YBX1: variants seen among roughly 807,000 people sequenced by gnomAD.
The protein encoded by YBX1 is Y-box-binding protein 1.
YBX1 carries 3 observed loss-of-function variants against 41.4 expected under a neutral mutation model. That is an observed-to-expected ratio of 0.07 (90% CI 0.03 to 0.19). The LOEUF is 0.19. YBX1 is among the 10% of genes least tolerant of loss of function. YBX1 has a pLI of 1.00. For missense variants in YBX1, 274 were observed against 462.8 expected (o/e 0.59, Z 3.74); for synonymous variants, 133 against 165.8 (o/e 0.80, Z 1.52).
intron 3 of YBX1, among the ~76,000 whole-genome samples, chr1:42,694,320 A>T (rs2148739534): frequency 6.6e-6 from 1 of 152,336 alleles, no homozygotes; most frequent in Non-Finnish European, 1.5e-5. Context: ...GTATGTTAAT[A>T]CTTCAAATTT....
At chr1:42,693,257 C>G (rs918388611) in intron 2 of YBX1, among the ~76,000 whole-genome samples, 1 of 146,814 alleles carries the variant, frequency 6.8e-6, no homozygotes, top group Admixed American at 6.8e-5. Context: ...GTAGGTCACA[C>G]TTTAATTTCT....
intron 1 of YBX1, 43 bp from the exon 2 acceptor site, chr1:42,683,360 T>G: frequency 6.2e-7 from 1 of 1,613,222 alleles, no homozygotes; most frequent in Non-Finnish European, 8.5e-7. Context: ...TGGAAAAGGA[T>G]AGCTGGTAAT....
chr1:42,700,990 A>G lies in YBX1; in HGVS notation c.950A>G (p.Glu317Gly), dbSNP rs1311555915. 6.2e-7 allele frequency: 1 copy of G among 1,614,162 alleles called. No homozygotes were observed. The highest frequency in any genetic ancestry group is 8.5e-7 in the Non-Finnish European group (1 of 1,180,034). The part of the protein sequence containing the change: ...DPPAENSSAP[E>G]AEQGGAE Reference sequence around the variant, plus strand: ...CCAGCTGAGAATTCGTCCGCTCCCGAGGCTGAGCAGGGCGGGGCTGAGTAA... The same window carrying G: ...CCAGCTGAGAATTCGTCCGCTCCCGGGGCTGAGCAGGGCGGGGCTGAGTAA... The change falls in exon 7 of 8, where the codon GAG becomes GGG. Residue 317 changes from glutamate to glycine, a missense_variant. Transcript: ENST00000321358.
rs748925791 is a variant in YBX1, at chr1:42,701,033, C to G, written c.*18C>G. 3 of 1,612,784 alleles carry G rather than the reference C, an allele frequency of 1.9e-6. No individual in the cohort carries two copies. Among genetic ancestry groups the G allele is most frequent in the Non-Finnish European group, 2.5e-6 (3 of 1,178,814 alleles). On this transcript the variant is annotated 3_prime_UTR_variant, in exon 7 of 8. Transcript: ENST00000321358. ...CTGAGTAAATGCCGGCTTACCATCTCTACCATCATCCGGGTAAGCAAGCTT... is the reference window on the plus strand; with the variant it reads ...CTGAGTAAATGCCGGCTTACCATCTGTACCATCATCCGGGTAAGCAAGCTT...
At chr1:42,683,136 C>T (rs972980673) in intron 1 of YBX1, 6 of 626,712 alleles carry the variant, frequency 9.6e-6, no homozygotes, top group African/African-American at 3.8e-5. Context: ...GCTTCCCCTT[C>T]CCTCACGTGC....
Position 42,696,156 on chromosome 1 carries a change from T to C in YBX1, c.265-43T>C. 6.6e-7 allele frequency: 1 copy of C among 1,510,072 alleles called. No homozygotes were observed. The highest frequency in any genetic ancestry group is 1.4e-5 in the African/African-American group (1 of 72,100). The allele number at this position is 1,510,072 out of a possible 1,614,324, so 93.5% of individuals were successfully genotyped here. On this transcript the variant is annotated intron_variant, in intron 3 of 7. Transcript: ENST00000321358. This position sits in a 1 kb window ranked among gnomAD's most constrained non-coding sequence, Gnocchi z 5.7. Reference sequence around the variant, plus strand: ...GTACATTTTAAATGAAAAAGCACATTATTCTCCCCTGTTAATCTATTTTTG... The same window carrying C: ...GTACATTTTAAATGAAAAAGCACATCATTCTCCCCTGTTAATCTATTTTTG...
intron 1 of YBX1, 77 bp downstream of exon 1, chr1:42,682,808 C>T (rs1650070379): frequency 9.8e-6 from 10 of 1,025,466 alleles, no homozygotes; most frequent in African/African-American, 6.8e-5. Flanking sequence ...CTGGGCGAGC[C>T]GGCGGGCGCG....
In YBX1 at chr1:42,696,808, C is replaced by T. The variant is rs1282831274; in HGVS notation, c.521C>T (p.Ser174Leu). ...NSESGEKNEGSESAPEGQAQQ... is the reference protein window; with the variant it reads ...NSESGEKNEGLESAPEGQAQQ... ...GAGAGTGGGGAAAAGAACGAGGGAT[C>T]GGAGAGTGCTCCCGAAGGCCAGGCC... Residue 174 changes from serine (S) to leucine (L), a missense_variant, in exon 5 of 8, where the codon TCG (serine) becomes TTG (leucine). By Grantham distance (145) the Ser-to-Leu change is moderately radical. Around this residue, in one of 3 missense-constraint regions of YBX1, gnomAD observed 187 missense variants for 306.3 expected, o/e 0.61. Coordinates refer to ENST00000321358, the MANE Select transcript of YBX1 (RefSeq NM_004559.5). This position sits in a 1 kb window ranked among gnomAD's most constrained non-coding sequence, Gnocchi z 5.7. The T allele has an allele frequency of 1.9e-5, 31 of 1,613,198 alleles. No individual in the cohort carries two copies. In the East Asian group the frequency reaches 2.7e-4, roughly 14 times the overall value.
At chr1:42,693,388 TG>T in intron 2 of YBX1, 101 bp from the exon 3 acceptor site, 2 of 1,380,276 alleles carry the variant, frequency 1.4e-6, no homozygotes, top group Non-Finnish European at 2.0e-6. Flanking sequence ...CCAAATTTCC[TG>T]GTACCTAATT....
chr1:42,696,379 A>T lies in YBX1; in HGVS notation c.354+91A>T. On this transcript the variant is annotated intron_variant, in intron 4 of 7. Coordinates refer to ENST00000321358, the MANE Select transcript of YBX1 (RefSeq NM_004559.5). The surrounding 1 kb of genome is among the most constrained non-coding windows in gnomAD (Gnocchi z 5.7). The stretch of plus-strand genomic sequence containing the variant: ...AGGATGGTGGCTCTAATGTGGATGG[A>T]TGTGTTCAGGTGACCTCATGAACAC... The T allele has an allele frequency of 7.4e-7, 1 of 1,358,142 alleles. No individual in the cohort carries two copies. Among genetic ancestry groups the T allele is most frequent in the African/African-American group, 1.4e-5 (1 of 68,978 alleles). 84.1% of individuals were successfully genotyped at this position (1,358,142 alleles called of 1,614,324 possible).
In YBX1 at chr1:42,690,537, G is replaced by A. The variant is rs115008566; in HGVS notation, c.231-2953G>A. 8.3e-3 allele frequency among the ~76,000 whole-genome samples: 1,268 copies of A among 152,212 alleles called. 20 individuals are homozygous for A. The highest frequency in any genetic ancestry group is 0.028 in the African/African-American group (1,175 of 41,534). On this transcript the variant is annotated intron_variant, in intron 2 of 7. Coordinates refer to ENST00000321358, the MANE Select transcript of YBX1 (RefSeq NM_004559.5). The stretch of plus-strand genomic sequence containing the variant: ...ACTTTTTATTTCTAGTTAAAACAAT[G>A]CAGGGCACTCCTGTGACCTGCAAAT...
intron 2 of YBX1, 90 bp downstream of exon 2, chr1:42,683,556 C>A: frequency 6.9e-7 from 1 of 1,459,176 alleles, no homozygotes; most frequent in Non-Finnish European, 9.5e-7. Flanking sequence ...CCCCAATCCA[C>A]AGCTCTGTTC....
chr1:42,690,879 T>C (rs1650312895), intron 2 of YBX1, among the ~76,000 whole-genome samples: 1 of 152,166 alleles, frequency 6.6e-6, no homozygotes, highest in Admixed American at 6.5e-5. Flanking sequence ...TTCTAGTAGA[T>C]GGGGGAGCTA....
In YBX1 at chr1:42,696,832, C is replaced by A. The variant is rs1437995177; in HGVS notation, c.545C>A (p.Ala182Asp). ...EGSESAPEGQ[A>D]QQRRPYRRRR... ...TCGGAGAGTGCTCCCGAAGGCCAGGCCCAACAACGCCGGCCCTACCGCAGG... is the reference window on the plus strand; with the variant it reads ...TCGGAGAGTGCTCCCGAAGGCCAGGACCAACAACGCCGGCCCTACCGCAGG... Residue 182 changes from alanine to aspartate, a missense_variant, in exon 5 of 8, where the codon GCC (alanine) becomes GAC (aspartate). Around this residue, in one of 3 missense-constraint regions of YBX1, gnomAD observed 187 missense variants for 306.3 expected, o/e 0.61. Coordinates refer to ENST00000321358, the MANE Select transcript of YBX1 (RefSeq NM_004559.5). This position sits in a 1 kb window ranked among gnomAD's most constrained non-coding sequence, Gnocchi z 5.7. 1 of 1,612,660 alleles carries A rather than the reference C, an allele frequency of 6.2e-7. No homozygotes were observed. The highest frequency in any genetic ancestry group is 1.7e-5 in the Admixed American group (1 of 59,882).
At chr1:42,683,345 G>A in intron 1 of YBX1, 58 bp from the exon 2 acceptor site, 7 of 1,607,302 alleles carry the variant, frequency 4.4e-6, no homozygotes, top group Non-Finnish European at 6.0e-6. Context: ...CAAGCCGGGC[G>A]GATTTGGAAA....
intron 2 of YBX1, among the ~76,000 whole-genome samples, chr1:42,689,186 G>A (rs1020716199): frequency 4.6e-5 from 7 of 152,174 alleles, no homozygotes; most frequent in African/African-American, 1.7e-4. Flanking sequence ...TTTGTCCGAA[G>A]GCAGAATCAT....
At position 42,701,044 on chromosome 1, in the gene YBX1, C is replaced by T. The variant is rs1460116514; in HGVS notation, c.*29C>T. The T allele has an allele frequency of 3.1e-6, 5 of 1,609,648 alleles. No homozygotes were observed. Among genetic ancestry groups the T allele is most frequent in the Non-Finnish European group, 3.4e-6 (4 of 1,176,378 alleles). ...CCGGCTTACCATCTCTACCATCATC[C>T]GGGTAAGCAAGCTTGGATGGCCATC... On this transcript the variant is annotated splice_region_variant and 3_prime_UTR_variant, in exon 7 of 8. Transcript: ENST00000321358.
At chr1:42,698,390 A>G (rs1650513529) in intron 6 of YBX1, among the ~76,000 whole-genome samples, 1 of 152,200 alleles carries the variant, frequency 6.6e-6, no homozygotes, top group Non-Finnish European at 1.5e-5. Context: ...TCTCTGATTC[A>G]GTTTTCTACC....
At chr1:42,698,675 G>A (rs998512053) in intron 6 of YBX1, among the ~76,000 whole-genome samples, 2 of 152,096 alleles carry the variant, frequency 1.3e-5, no homozygotes, top group African/African-American at 4.8e-5. Flanking sequence ...ACAAGCTTGC[G>A]GTTGATTTGT....
Sources: gnomAD v4.1 joint callset for allele counts (sites outside exome capture counted in the v4.1 genomes callset) on GRCh38, gnomAD v4.1.1 for gene constraint, gnomAD v4.1.1 regional missense constraint, Gnocchi (gnomAD v3.1) non-coding constraint, MANE v1.5 for transcripts, NCBI Gene and HGNC (gene_info 2026-07-23, HGNC 2026-07-21) for gene names.